The following SND1 variants were observed in gnomAD, a reference collection of about 807,000 sequenced individuals.
The protein encoded by SND1 is staphylococcal nuclease domain-containing protein 1.
A neutral mutation model predicts 121.7 loss-of-function variants in SND1; 38 were observed. The observed-to-expected ratio is 0.31, with a 90% CI of 0.24 to 0.41. The LOEUF is 0.41. Ranked by LOEUF, SND1 falls within the 10% of genes least tolerant of loss-of-function variation. The pLI is 1.00. For missense variants in SND1, 868 were observed against 1,184.6 expected, an observed-to-expected ratio of 0.73 and a Z score of 3.92; for synonymous variants, 401 against 447.4, an observed-to-expected ratio of 0.90 and a Z score of 1.31.
chr7:127,893,994 A>G (rs1363097162), intron 13 of SND1, among the ~76,000 whole-genome samples: 1 of 152,060 alleles, frequency 6.6e-6, no homozygotes, highest in African/African-American at 2.4e-5. Context: ...CAGTGCCCTC[A>G]TATTTTAGGC....
At chr7:128,063,396 T>C (rs962592281) in intron 16 of SND1, among the ~76,000 whole-genome samples, 1 of 152,220 alleles carries the variant, frequency 6.6e-6, no homozygotes, top group Admixed American at 6.5e-5. Context: ...CCTCACTGAC[T>C]GAAGCCAGTT....
intron 15 of SND1, among the ~76,000 whole-genome samples, chr7:127,969,137 A>C (rs1338665075): frequency 1.3e-5 from 2 of 152,140 alleles, no homozygotes; most frequent in Non-Finnish European, 2.9e-5. Flanking sequence ...CAGTGGAAGT[A>C]AATAGTTGGT....
intron 16 of SND1, among the ~76,000 whole-genome samples, chr7:128,074,005 C>T (rs1350694088): frequency 6.6e-6 from 1 of 152,210 alleles, no homozygotes; most frequent in Admixed American, 6.5e-5. Context: ...CCTGTCCTCT[C>T]CCCCTCTCCT....
intron 9 of SND1, among the ~76,000 whole-genome samples, chr7:127,714,179 A>G (rs527858106): frequency 2.6e-5 from 4 of 152,178 alleles, no homozygotes; most frequent in Admixed American, 2.0e-4. Context: ...CTCTGTACCT[A>G]TATATAGATT....
chr7:127,854,597 G>A (rs1414155227), intron 12 of SND1, among the ~76,000 whole-genome samples: 2 of 150,714 alleles, frequency 1.3e-5, no homozygotes, highest in Non-Finnish European at 3.0e-5. Flanking sequence ...ATAGTGCCAT[G>A]ATGTGATAAG....
intron 16 of SND1, among the ~76,000 whole-genome samples, chr7:128,048,256 AT>A (rs935894901): frequency 6.9e-6 from 1 of 145,064 alleles, no homozygotes; most frequent in Non-Finnish European, 1.5e-5. Context: ...ACTGGCAGTG[AT>A]TTTTTTTCTT....
chr7:127,669,492 G>A (rs1458648063), intron 1 of SND1, among the ~76,000 whole-genome samples: 1 of 152,174 alleles, frequency 6.6e-6, no homozygotes, highest in Non-Finnish European at 1.5e-5. Context: ...ATATTCAGTT[G>A]TCTTCCCACT....
intron 16 of SND1, among the ~76,000 whole-genome samples, chr7:128,024,214 G>C (rs1016257690): frequency 6.6e-6 from 1 of 152,020 alleles, no homozygotes; most frequent in Non-Finnish European, 1.5e-5. Flanking sequence ...ATAGGAGAGG[G>C]GTGCTTCCTG....
chr7:127,729,164 T>C (rs972813555), intron 10 of SND1, among the ~76,000 whole-genome samples: 7 of 152,164 alleles, frequency 4.6e-5, no homozygotes, highest in Non-Finnish European at 8.8e-5. Context: ...TGGTCCCCAA[T>C]TGACTTTCTT....
chr7:128,040,690 A>G (rs958952075), intron 16 of SND1, among the ~76,000 whole-genome samples: 1 of 152,176 alleles, frequency 6.6e-6, no homozygotes, highest in African/African-American at 2.4e-5. Context: ...TTTTTAATCT[A>G]TTCAATTTGG....
intron 15 of SND1, among the ~76,000 whole-genome samples, chr7:127,941,918 T>C (rs999821432): frequency 6.0e-5 from 9 of 151,056 alleles, no homozygotes; most frequent in Non-Finnish European, 1.2e-4. Flanking sequence ...TTTTTAAATT[T>C]TCCAAGTTTA....
chr7:127,817,720 A>ATTT (rs1798469895), intron 11 of SND1, among the ~76,000 whole-genome samples: 1 of 109,638 alleles, frequency 9.1e-6, no homozygotes, highest in African/African-American at 3.7e-5. Context: ...TTTCCTTCAT[A>ATTT]CTTTTTTTTT....
chr7:127,899,477 A>C (rs554446168), intron 13 of SND1, among the ~76,000 whole-genome samples: 1 of 152,286 alleles, frequency 6.6e-6, no homozygotes, highest in East Asian at 1.9e-4. Flanking sequence ...CAGGGGACAC[A>C]CATAATTAAT....
chr7:127,675,749 CAT>C (rs1214051066), intron 1 of SND1, among the ~76,000 whole-genome samples: 1 of 152,306 alleles, frequency 6.6e-6, no homozygotes, highest in African/African-American at 2.4e-5. Context: ...TAAGTTAACA[CAT>C]AACTGTTACC....
At chr7:127,686,186 G>A (rs1795809811) in intron 1 of SND1, among the ~76,000 whole-genome samples, 1 of 152,204 alleles carries the variant, frequency 6.6e-6, no homozygotes, top group Admixed American at 6.5e-5. Flanking sequence ...CACTGTGCAT[G>A]GCCACAGCTT....
At chr7:127,905,919 C>T (rs1198075600) in intron 14 of SND1, among the ~76,000 whole-genome samples, 2 of 152,164 alleles carry the variant, frequency 1.3e-5, no homozygotes, top group Non-Finnish European at 2.9e-5. Flanking sequence ...GCCTAGGCTG[C>T]AGGAGAGATG....
At chr7:127,707,946 G>A (rs561008502) in intron 9 of SND1, among the ~76,000 whole-genome samples, 1 of 152,208 alleles carries the variant, frequency 6.6e-6, no homozygotes, top group Non-Finnish European at 1.5e-5. Flanking sequence ...ATTATCTTAA[G>A]ATTTCCTATG....
intron 8 of SND1, among the ~76,000 whole-genome samples, chr7:127,707,016 C>T (rs1796213047): frequency 6.6e-6 from 1 of 152,192 alleles, no homozygotes; most frequent in African/African-American, 2.4e-5. Context: ...AAAATATCTA[C>T]TGGGCATAAT....
chr7:127,741,076 G>A (rs1171972974), intron 10 of SND1, among the ~76,000 whole-genome samples: 1 of 152,126 alleles, frequency 6.6e-6, no homozygotes, highest in Non-Finnish European at 1.5e-5. Context: ...CTGGAAGTAG[G>A]GAGAGAAAAC....
Sources: allele counts gnomAD v4.1 joint callset (sites outside exome capture counted in the v4.1 genomes callset), GRCh38; gene constraint gnomAD v4.1.1; transcripts MANE v1.5; gene names NCBI Gene and HGNC (gene_info 2026-07-23, HGNC 2026-07-21).